INTS8: variants seen among roughly 807,000 people sequenced by gnomAD.
The protein encoded by INTS8 is protein kaonashi-1.
INTS8 carries 47 observed loss-of-function variants against 138.9 expected under a neutral mutation model. The ratio of observed to expected loss-of-function variants is 0.34; its 90% CI spans 0.27 to 0.43. The LOEUF (loss-of-function observed/expected upper bound fraction) is 0.43, where lower values mean the gene tolerates loss of function less well. INTS8 is among the 20% of genes least tolerant of loss of function. The probability of loss-of-function intolerance (pLI) is 1.00; values close to 1 mark genes in which losing one functional copy is unlikely to be tolerated. For missense variants in INTS8, 996 were observed against 1,173.0 expected, an observed-to-expected ratio of 0.85 and a Z score of 2.20; for synonymous variants, 392 against 400.9, an observed-to-expected ratio of 0.98 and a Z score of 0.27.
chr8:94,846,766 C>T (rs1360376280), intron 10 of INTS8, among the ~76,000 whole-genome samples: 2 of 152,174 alleles, frequency 1.3e-5, no homozygotes, highest in Non-Finnish European at 2.9e-5. Flanking sequence ...TCCCTTCTCT[C>T]CTTAGTTCAC....
intron 6 of INTS8, among the ~76,000 whole-genome samples, chr8:94,833,211 TG>T: frequency 6.6e-6 from 1 of 152,132 alleles, no homozygotes; most frequent in Non-Finnish European, 1.5e-5. Context: ...ATTCCTTTTC[TG>T]GAAAGGGGTA....
chr8:94,838,483 T>G lies in INTS8; in HGVS notation c.882T>G (p.His294Gln). 1 of 1,613,084 alleles carries G rather than the reference T, an allele frequency of 6.2e-7. No individual in the cohort carries two copies. The highest frequency in any genetic ancestry group is 8.5e-7 in the Non-Finnish European group (1 of 1,179,032). ...LIAEIGSLSLHCTIDEKRLAG... is the reference protein window; with the variant it reads ...LIAEIGSLSLQCTIDEKRLAG... Reference sequence around the variant, plus strand: ...TACAGATAGGTTCATTATCTCTTCATTGTACCATAGATGAGAAGCGGTTAG... The same window carrying G: ...TACAGATAGGTTCATTATCTCTTCAGTGTACCATAGATGAGAAGCGGTTAG... Residue 294 changes from histidine (H) to glutamine (Q), a missense_variant, in exon 8 of 27, where the codon CAT becomes CAG. His to Gln is a conservative substitution (Grantham distance 24, BLOSUM62 0). Transcript: ENST00000523731.
In INTS8 at chr8:94,827,747, A is replaced by G; in HGVS notation, c.472A>G (p.Ser158Gly). Residue 158 changes from serine to glycine, a missense_variant, in exon 4 of 27, where the codon AGT becomes GGT. By Grantham distance (56) the Ser-to-Gly change is moderately conservative. Coordinates refer to ENST00000523731, the MANE Select transcript of INTS8 (RefSeq NM_017864.4). ...GGCAATTAGGACAATTGTTCAAAGT[A>G]GTTTTCCAGTCAAACAGGCAAAACC... ...RWAIRTIVQSSFPVKQAKPGP... is the reference protein window; with the variant it reads ...RWAIRTIVQSGFPVKQAKPGP... 1 of 1,614,170 alleles carries G rather than the reference A, an allele frequency of 6.2e-7. No individual in the cohort carries two copies. The highest frequency in any genetic ancestry group is 1.7e-5 in the Admixed American group (1 of 60,022).
At chr8:94,865,711 ATTAG>A in intron 17 of INTS8, 21 bp downstream of exon 17, 1 of 1,601,934 alleles carries the variant, frequency 6.2e-7, no homozygotes, top group Non-Finnish European at 8.5e-7. Flanking sequence ...GTACGTTTCT[ATTAG>A]TTGTGTTTGA....
chr8:94,830,478 G>A lies in INTS8; in HGVS notation c.570+1452G>A, dbSNP rs190329477. ...ACATTGAAGTATACAGATATTTCTTGAATAAATCAAGTGGAACAGTGCAAA... is the reference window on the plus strand; with the variant it reads ...ACATTGAAGTATACAGATATTTCTTAAATAAATCAAGTGGAACAGTGCAAA... On this transcript the variant is annotated intron_variant, in intron 5 of 26. Transcript: ENST00000523731. Among the ~76,000 whole-genome samples the A allele has an allele frequency of 6.6e-5, 10 of 152,234 alleles. No individual in the cohort carries two copies. The East Asian group carries it at 1.9e-3, about 29-fold the overall frequency.
intron 13 of INTS8, among the ~76,000 whole-genome samples, chr8:94,852,144 T>C (rs973226697): frequency 2.6e-5 from 4 of 152,234 alleles, no homozygotes; most frequent in Admixed American, 1.3e-4. Flanking sequence ...GGTTTCACCA[T>C]GTTGGCCAGG....
intron 11 of INTS8, among the ~76,000 whole-genome samples, 159 bp downstream of exon 11, chr8:94,849,691 G>A (rs184228090): frequency 1.1e-3 from 168 of 151,980 alleles, no homozygotes; most frequent in Non-Finnish European, 1.9e-3. Flanking sequence ...GTATAGCCAC[G>A]TGAGACATTA....
At chr8:94,850,136 C>T (rs1032967232) in intron 12 of INTS8, 45 bp downstream of exon 12, 2 of 1,338,030 alleles carry the variant, frequency 1.5e-6, no homozygotes, top group East Asian at 4.9e-5. Flanking sequence ...ATGTTTTGCC[C>T]CTCTATTCAA....
At position 94,841,522 on chromosome 8, in the gene INTS8, T is replaced by G; in HGVS notation, c.1049T>G (p.Leu350Ter). The change falls in exon 9 of 27, where the codon TTA becomes TGA. Residue 350 changes from leucine to a stop codon, truncating the protein, a stop_gained. Transcript: ENST00000523731. LOFTEE classifies it high-confidence loss of function. ...ATACAGATTTTCATTGAAGACAACTTAACCTTGAGTTTACCTGTCCAGTTC... is the reference window on the plus strand; with the variant it reads ...ATACAGATTTTCATTGAAGACAACTGAACCTTGAGTTTACCTGTCCAGTTC... Reference protein sequence around the residue: ...EVIQIFIEDNLTLSLPVQFRQ... With the variant: ...EVIQIFIEDN The G allele has an allele frequency of 6.2e-7, 1 of 1,607,288 alleles. No individual in the cohort carries two copies. Among genetic ancestry groups the G allele is most frequent in the Non-Finnish European group, 8.5e-7 (1 of 1,175,188 alleles).
rs1814748539 is a variant in INTS8 at position 94,832,257 on chromosome 8, T to C, written c.753+83T>C. Reference sequence around the variant, plus strand: ...ATCATCCTCCTATTTTTAATTAGAATTTATTTCTGCCTTTGTCTCTTAAGA... The same window carrying C: ...ATCATCCTCCTATTTTTAATTAGAACTTATTTCTGCCTTTGTCTCTTAAGA... On this transcript the variant is annotated intron_variant, in intron 6 of 26. Coordinates refer to ENST00000523731, the MANE Select transcript of INTS8 (RefSeq NM_017864.4). 9 of 965,374 alleles carry C rather than the reference T, an allele frequency of 9.3e-6. No individual in the cohort carries two copies. The East Asian group carries it at 2.1e-4, about 22-fold the overall frequency. 59.8% of individuals were successfully genotyped at this position (965,374 alleles called of 1,614,324 possible).
At chr8:94,838,274 A>T (rs1227443507) in intron 7 of INTS8, among the ~76,000 whole-genome samples, 189 bp from the exon 8 acceptor site, 1 of 151,770 alleles carries the variant, frequency 6.6e-6, no homozygotes, top group Admixed American at 6.6e-5. Context: ...CTAGTCTCGA[A>T]CTCCCGACCT....
chr8:94,855,843 A>G (rs1359421276), intron 14 of INTS8, among the ~76,000 whole-genome samples: 3 of 152,256 alleles, frequency 2.0e-5, no homozygotes, highest in East Asian at 3.8e-4. Context: ...GTCAGAGAAC[A>G]AGTGGCAATA....
intron 8 of INTS8, 27 bp from the exon 9 acceptor site, chr8:94,841,464 G>A: frequency 8.8e-7 from 1 of 1,131,350 alleles, no homozygotes; most frequent in Non-Finnish European, 1.3e-6. Context: ...TTTTTGAAAT[G>A]GGTGCAACTT....
intron 5 of INTS8, 107 bp from the exon 6 acceptor site, chr8:94,831,885 T>G: frequency 1.3e-6 from 1 of 780,870 alleles, no homozygotes; most frequent in South Asian, 2.5e-5. Context: ...TGTTAAAAAT[T>G]TTTTTAATAG....
chr8:94,843,023 G>A (rs1043192229), intron 10 of INTS8, among the ~76,000 whole-genome samples: 11 of 152,120 alleles, frequency 7.2e-5, no homozygotes, highest in African/African-American at 2.4e-4. Flanking sequence ...CCTTTGTTGT[G>A]GTCTTTACAA....
rs1399041709 is a variant in INTS8, at chr8:94,881,176, A to G, written c.*942A>G. 2.6e-6 allele frequency: 1 copy of G among 386,032 alleles called. No individual in the cohort carries two copies. Among genetic ancestry groups the G allele is most frequent in the African/African-American group, 2.1e-5 (1 of 48,462 alleles). The allele number at this position is 386,032 out of a possible 1,614,324, so 23.9% of individuals were successfully genotyped here. A position where few individuals can be genotyped will look rare whatever the true frequency, so the allele number is the denominator to read the frequency against. ...TAAACAAGTTTAAATTTAATTTTCA[A>G]GAACCAAATTGCACTAGTCAAGAGT... is the stretch of plus-strand genomic sequence containing the variant. On this transcript the variant is annotated 3_prime_UTR_variant, in exon 27 of 27. Coordinates refer to ENST00000523731, the MANE Select transcript of INTS8 (RefSeq NM_017864.4).
chr8:94,863,477 A>G (rs1816068055), intron 16 of INTS8, among the ~76,000 whole-genome samples: 1 of 151,984 alleles, frequency 6.6e-6, no homozygotes, highest in South Asian at 2.1e-4. Flanking sequence ...CTTCCTTTGT[A>G]CTGTTGTACT....
chr8:94,861,692 A>G (rs1460325623), intron 16 of INTS8, among the ~76,000 whole-genome samples: 1 of 151,762 alleles, frequency 6.6e-6, no homozygotes, highest in African/African-American at 2.4e-5. Context: ...AGCTGGGATT[A>G]CAGGCACGCA....
intron 2 of INTS8, among the ~76,000 whole-genome samples, chr8:94,826,368 G>A (rs1171178116): frequency 6.6e-6 from 1 of 151,830 alleles, no homozygotes; most frequent in Non-Finnish European, 1.5e-5. Flanking sequence ...TGCAAGCTCC[G>A]CCTCCTGGGT....
Sources: allele counts gnomAD v4.1 joint callset (sites outside exome capture counted in the v4.1 genomes callset), GRCh38; gene constraint gnomAD v4.1.1; transcripts MANE v1.5; gene names NCBI Gene and HGNC (gene_info 2026-07-23, HGNC 2026-07-21).